Variants in FBXO43 observed in about 807,000 individuals in gnomAD.
FBXO43 encodes the protein F-box protein 43, also known as F-box only protein 43.
FBXO43 carries 22 observed loss-of-function variants against 56.7 expected under a neutral mutation model. That is an observed-to-expected ratio of 0.39 (90% CI 0.28 to 0.55). The LOEUF (loss-of-function observed/expected upper bound fraction) is 0.55, where lower values mean the gene tolerates loss of function less well. FBXO43 is among the 20% of genes least tolerant of loss of function. FBXO43 has a pLI of 0.66. For missense variants in FBXO43, 733 were observed against 814.9 expected, an observed-to-expected ratio of 0.90 and a Z score of 1.22; for synonymous variants, 306 against 294.5, an observed-to-expected ratio of 1.04 and a Z score of -0.40.
chr8:100,144,039 C>T (rs1217208070), intron 1 of FBXO43, among the ~76,000 whole-genome samples: 6 of 152,224 alleles, frequency 3.9e-5, no homozygotes, highest in African/African-American at 1.4e-4. Flanking sequence ...TCCCAAAGTG[C>T]TGGGATTACA....
chr8:100,149,690 G>T (rs867068897), upstream of FBXO43, among the ~76,000 whole-genome samples: 1 of 152,160 alleles, frequency 6.6e-6, no homozygotes, highest in Non-Finnish European at 1.5e-5. Context: ...GAAGCTCAAA[G>T]TTCTCAGATT....
upstream of FBXO43, among the ~76,000 whole-genome samples, chr8:100,150,319 C>G (rs754059531): frequency 2.8e-4 from 42 of 152,216 alleles, 1 homozygote; most frequent in Non-Finnish European, 1.6e-4. Context: ...TAACGGCTAT[C>G]CTAGTACTTC....
rs149809669 is a variant in FBXO43 at position 100,133,822 on chromosome 8, G to A, written c.2107C>T (p.Arg703Trp). The change falls in exon 5 of 5, where the codon CGG (arginine) becomes TGG (tryptophan). Residue 703 changes from arginine (R) to tryptophan (W), a missense_variant. By Grantham distance (101) the Arg-to-Trp change is moderately radical. Transcript: ENST00000428847. ...DALPGSAQSKRNLKRL is the reference protein window; with the variant it reads ...DALPGSAQSKWNLKRL Reference sequence around the variant, plus strand: ...TCTCTTCAGAGGCGTTTTAAATTCCGCTTACTCTGGGCACTTCCTGGGAGA... The same window carrying A: ...TCTCTTCAGAGGCGTTTTAAATTCCACTTACTCTGGGCACTTCCTGGGAGA... 51 of 1,613,816 alleles carry A rather than the reference G, an allele frequency of 3.2e-5. No homozygotes were observed. Among genetic ancestry groups the A allele is most frequent in the Admixed American group, 6.7e-5 (4 of 59,998 alleles).
intron 1 of FBXO43, among the ~76,000 whole-genome samples, chr8:100,143,903 C>A (rs896830241): frequency 2.2e-4 from 34 of 152,204 alleles, no homozygotes; most frequent in Admixed American, 8.5e-4. Flanking sequence ...TCCCCACTGA[C>A]TGGGATTACA....
chr8:100,137,720 TTTG>T, intron 2 of FBXO43, 53 bp from the exon 3 acceptor site: 1 of 1,342,582 alleles, frequency 7.4e-7, no homozygotes, highest in Admixed American at 2.2e-5. Context: ...GGATTAACAT[TTTG>T]TTGTATACGC....
At position 100,142,000 on chromosome 8, in the gene FBXO43, C is replaced by T; in HGVS notation, c.254G>A (p.Ser85Asn). The T allele has an allele frequency of 6.2e-7, 1 of 1,612,602 alleles. No individual in the cohort carries two copies. Among genetic ancestry groups the T allele is most frequent in the Non-Finnish European group, 8.5e-7 (1 of 1,179,602 alleles). ...DSGYNELKSCSFDNIDKEYLG... is the reference protein window; with the variant it reads ...DSGYNELKSCNFDNIDKEYLG... ...ATATTCTTTATCTATATTATCAAAG[C>T]TACAAGATTTTAACTCATTGTAGCC... Residue 85 changes from serine (S) to asparagine (N), a missense_variant, in exon 2 of 5, where the codon AGC (serine) becomes AAC (asparagine). Ser to Asn is a conservative substitution (Grantham distance 46, BLOSUM62 1). Transcript: ENST00000428847.
rs767378604 is a variant in FBXO43, at chr8:100,134,335, G to A, written c.1704C>T (p.Ala568=). 1.2e-6 allele frequency: 2 copies of A among 1,613,724 alleles called. No homozygotes were observed. Among genetic ancestry groups the A allele is most frequent in the Non-Finnish European group, 1.7e-6 (2 of 1,180,018 alleles). ...EGAVLNVEDA[A]TRLQLLNRSA... ...AGCGATTTAAAAGCTGGAGCCGAGT[G>A]GCAGCATCCTCGACATTTAATACAG... The change falls in exon 4 of 5, where the codon GCC becomes GCT. Residue 568 remains alanine (A), a synonymous_variant. Coordinates refer to ENST00000428847, the MANE Select transcript of FBXO43 (RefSeq NM_001029860.4).
Position 100,137,661 on chromosome 8 carries a change from C to A in FBXO43, c.1578G>T (p.Trp526Cys). ...SLTAESLCSVWKVSRNWREIV... is the reference protein window; with the variant it reads ...SLTAESLCSVCKVSRNWREIV... ...TTTCACGCCAATTTCTGCTTACTTTCCAAACACTATAACAAAAAGATCCAT... is the reference window on the plus strand; with the variant it reads ...TTTCACGCCAATTTCTGCTTACTTTACAAACACTATAACAAAAAGATCCAT... The change falls in exon 3 of 5, where the codon TGG (tryptophan) becomes TGT (cysteine). Residue 526 changes from tryptophan to cysteine, a missense_variant. Physicochemically the swap from Trp to Cys is radical, Grantham distance 215. Transcript: ENST00000428847. The A allele has an allele frequency of 6.2e-7, 1 of 1,611,008 alleles. No individual in the cohort carries two copies. The highest frequency in any genetic ancestry group is 1.1e-5 in the South Asian group (1 of 90,914).
intron 3 of FBXO43, 66 bp downstream of exon 3, chr8:100,137,499 G>T: frequency 9.4e-7 from 1 of 1,069,262 alleles, no homozygotes; most frequent in Non-Finnish European, 1.4e-6. Context: ...AAATTAGGTT[G>T]TCTAGCAACA....
chr8:100,136,645 T>C (rs1814478104), intron 3 of FBXO43, among the ~76,000 whole-genome samples: 2 of 152,206 alleles, frequency 1.3e-5, no homozygotes, highest in Non-Finnish European at 2.9e-5. Flanking sequence ...TTCAGGCTTG[T>C]ACATATGCTA....
chr8:100,134,138 C>G (rs1223363139), intron 4 of FBXO43, 23 bp downstream of exon 4: 1 of 1,606,948 alleles, frequency 6.2e-7, no homozygotes, highest in Non-Finnish European at 8.5e-7. Flanking sequence ...TTTCTAATAA[C>G]TTATGACATA....
At chr8:100,147,319 G>T (rs1814852464), upstream of FBXO43, among the ~76,000 whole-genome samples, 1 of 152,226 alleles carries the variant, frequency 6.6e-6, no homozygotes. Flanking sequence ...AACTCTACTG[G>T]AGAACAGAGT....
chr8:100,149,823 T>C (rs1211703807), upstream of FBXO43, among the ~76,000 whole-genome samples: 1 of 152,218 alleles, frequency 6.6e-6, no homozygotes, highest in Admixed American at 6.5e-5. Context: ...AATTAAGTTA[T>C]TTTTAAATTT....
intron 1 of FBXO43, among the ~76,000 whole-genome samples, chr8:100,144,830 G>T (rs964783738): frequency 6.6e-6 from 1 of 151,432 alleles, no homozygotes; most frequent in African/African-American, 2.4e-5. Flanking sequence ...TACTCGGGAG[G>T]CTGAGGCAGG....
At chr8:100,147,184 C>T (rs1767485447), upstream of FBXO43, among the ~76,000 whole-genome samples, 1 of 152,052 alleles carries the variant, frequency 6.6e-6, no homozygotes, top group African/African-American at 2.4e-5. Flanking sequence ...GTGCCAATTA[C>T]TGTGCTAGGT....
rs202229125 is a variant in FBXO43 at position 100,141,385 on chromosome 8, G to A, written c.869C>T (p.Thr290Ile). 6 of 1,613,248 alleles carry A rather than the reference G, an allele frequency of 3.7e-6. No individual in the cohort carries two copies. Among genetic ancestry groups the A allele is most frequent in the Middle Eastern group, 1.6e-4 (1 of 6,084 alleles). ...TATGTCCTCATCTGTTCCACAAGTTGTTCCACTAACAGAGGAGCCCAGGAG... is the reference window on the plus strand; with the variant it reads ...TATGTCCTCATCTGTTCCACAAGTTATTCCACTAACAGAGGAGCCCAGGAG... ...PELLGSSVSG[T>I]TCGTDEDIFV... is the part of the protein sequence containing the mutation. The change falls in exon 2 of 5, where the codon ACA becomes ATA. Residue 290 changes from threonine to isoleucine, a missense_variant. Thr to Ile is a moderately conservative substitution (Grantham distance 89). Transcript: ENST00000428847.
chr8:100,133,687 T>C lies in FBXO43; in HGVS notation c.*115A>G. The C allele has an allele frequency of 8.3e-7, 1 of 1,207,704 alleles. No individual in the cohort carries two copies. The highest frequency in any genetic ancestry group is 1.1e-6 in the Non-Finnish European group (1 of 875,268). 74.8% of individuals were successfully genotyped at this position (1,207,704 alleles called of 1,614,324 possible). On this transcript the variant is annotated 3_prime_UTR_variant, in exon 5 of 5. Transcript: ENST00000428847. ...GACATCGATTATAATATATACAAAATAGGAAATTAATCATCACCTGTCATT... is the reference window on the plus strand; with the variant it reads ...GACATCGATTATAATATATACAAAACAGGAAATTAATCATCACCTGTCATT...
rs1404521411 is a variant in FBXO43 at position 100,134,279 on chromosome 8, C to T, written c.1760G>A (p.Arg587Lys). ...TTGCTCTCTCTGAGAACCAGGTATC[C>T]TAGCCTGTGCCTGCACAGATCTTAA... ...SALRSVQAQA[R>K]IPGSQREQGS... The change falls in exon 4 of 5, where the codon AGG (arginine) becomes AAG (lysine). Residue 587 changes from arginine (R) to lysine (K), a missense_variant. Transcript: ENST00000428847. The T allele has an allele frequency of 6.2e-7, 1 of 1,613,972 alleles. No individual in the cohort carries two copies. Among genetic ancestry groups the T allele is most frequent in the Admixed American group, 1.7e-5 (1 of 59,992 alleles).
At chr8:100,137,793 T>A (rs1479086087) in intron 2 of FBXO43, 126 bp from the exon 3 acceptor site, 1 of 656,942 alleles carries the variant, frequency 1.5e-6, no homozygotes, top group Non-Finnish European at 2.7e-6. Flanking sequence ...CCTAAAAATT[T>A]ACATAAAAAT....
Sources: gnomAD v4.1 joint callset for allele counts (sites outside exome capture counted in the v4.1 genomes callset) on GRCh38, gnomAD v4.1.1 for gene constraint, MANE v1.5 for transcripts, NCBI Gene and HGNC (gene_info 2026-07-23, HGNC 2026-07-21) for gene names.